Variants in FGF14 observed in about 807,000 individuals in gnomAD.
FGF14 encodes the protein fibroblast growth factor 14, also known as fibroblast growth factor homologous factor 4.
FGF14 carries 5 observed loss-of-function variants against 25.5 expected under a neutral mutation model. The observed-to-expected ratio is 0.20, with a 90% CI of 0.10 to 0.41. The LOEUF (loss-of-function observed/expected upper bound fraction) is 0.41, where lower values mean the gene tolerates loss of function less well. Among genes scored for constraint, FGF14 ranks in the 10% least tolerant of loss-of-function variants. The probability of loss-of-function intolerance (pLI) is 1.00; values close to 1 mark genes in which losing one functional copy is unlikely to be tolerated. For missense variants in FGF14, 222 were observed against 320.1 expected (o/e 0.69, Z 2.34); for synonymous variants, 138 against 118.3 (o/e 1.17, Z -1.08).
At chr13:101,739,029 G>A (rs2036370082) in intron 3 of FGF14, among the ~76,000 whole-genome samples, 2 of 139,098 alleles carry the variant, frequency 1.4e-5, no homozygotes, top group African/African-American at 5.3e-5. Context: ...TATATATATA[G>A]GTGTGTGTGT....
intron 1 of FGF14, among the ~76,000 whole-genome samples, chr13:101,975,018 A>G (rs1448037469): frequency 1.3e-5 from 2 of 152,074 alleles, no homozygotes; most frequent in Admixed American, 1.3e-4. Flanking sequence ...TGGGAAGCGT[A>G]AAATAATCAG....
intron 1 of FGF14, among the ~76,000 whole-genome samples, chr13:102,361,943 C>T (rs2139043268): frequency 6.6e-6 from 1 of 152,028 alleles, no homozygotes; most frequent in Non-Finnish European, 1.5e-5. Context: ...TGTCAGTAGC[C>T]CAGTCTCCTT....
At chr13:101,816,151 TC>T (rs1287321996) in intron 3 of FGF14, among the ~76,000 whole-genome samples, 1 of 150,972 alleles carries the variant, frequency 6.6e-6, no homozygotes, top group African/African-American at 2.4e-5. Context: ...GCGCCTGTAG[TC>T]CCAGCTACTT....
intron 1 of FGF14, among the ~76,000 whole-genome samples, chr13:102,333,898 G>A (rs1284244445): frequency 6.6e-6 from 1 of 152,122 alleles, no homozygotes; most frequent in Non-Finnish European, 1.5e-5. Flanking sequence ...TGCATGCTGG[G>A]TCTGGAGGAG....
At chr13:102,307,593 C>G (rs2055464872) in intron 1 of FGF14, among the ~76,000 whole-genome samples, 1 of 152,096 alleles carries the variant, frequency 6.6e-6, no homozygotes. Flanking sequence ...ACACCATGTA[C>G]TTGTTATTGT....
At chr13:102,157,638 A>G (rs2047408056) in intron 1 of FGF14, among the ~76,000 whole-genome samples, 1 of 152,346 alleles carries the variant, frequency 6.6e-6, no homozygotes, top group Middle Eastern at 3.4e-3. Flanking sequence ...CAATGGCAAC[A>G]AAAGCCAAAA....
At chr13:101,943,607 A>G (rs1385168513) in intron 1 of FGF14, among the ~76,000 whole-genome samples, 1 of 152,028 alleles carries the variant, frequency 6.6e-6, no homozygotes, top group Non-Finnish European at 1.5e-5. Context: ...TTGAACCCCG[A>G]CTCTGCCACT....
At chr13:102,016,204 G>C (rs1331380960) in intron 1 of FGF14, among the ~76,000 whole-genome samples, 1 of 152,048 alleles carries the variant, frequency 6.6e-6, no homozygotes, top group African/African-American at 2.4e-5. Flanking sequence ...CCATTTTACA[G>C]TTGAGAAAAT....
chr13:101,742,546 C>A (rs1459106175), intron 3 of FGF14, among the ~76,000 whole-genome samples: 4 of 152,182 alleles, frequency 2.6e-5, no homozygotes, highest in Admixed American at 2.6e-4. Context: ...TTGGAAACAT[C>A]ACTTCACCTT....
chr13:102,310,698 G>T (rs11620332), intron 1 of FGF14, among the ~76,000 whole-genome samples: 1,678 of 20,252 alleles, frequency 0.083, 299 homozygotes, highest in Middle Eastern at 0.11. Context: ...TGTGTGTGTG[G>T]GGGGGGGGGG....
chr13:101,796,115 CG>C (rs1457759670), intron 3 of FGF14, among the ~76,000 whole-genome samples: 1 of 151,864 alleles, frequency 6.6e-6, no homozygotes, highest in Non-Finnish European at 1.5e-5. Context: ...TTTTAGAAAT[CG>C]TAAAATATAA....
In FGF14 at chr13:101,766,675, C is replaced by G. The variant is rs1043827236; in HGVS notation, c.409-39865G>C. 3.3e-5 allele frequency among the ~76,000 whole-genome samples: 5 copies of G among 152,090 alleles called. No homozygotes were observed. In the East Asian group the frequency reaches 9.6e-4, roughly 29 times the overall value. On this transcript the variant is annotated intron_variant, in intron 3 of 4. Transcript: ENST00000376143. ...ATATGACTTTATGTGGAAATGTGGT[C>G]TTTGCAGATGTAATTAGTTAAGTTT...
At chr13:102,376,169 T>C (rs1457610535) in intron 1 of FGF14, among the ~76,000 whole-genome samples, 3 of 152,142 alleles carry the variant, frequency 2.0e-5, no homozygotes, top group African/African-American at 7.2e-5. Context: ...TGGACATAAT[T>C]GAATCTGGGG....
At position 101,711,563 on chromosome 13, in the gene FGF14, G is replaced by A. The variant is rs140463314; in HGVS notation, c.*11268C>T. ...TTTGCCTGGAGATACATCACAGATA[G>A]GCAGATCACTAAAAAGAAGAGTGGA... is the stretch of plus-strand genomic sequence containing the variant. On this transcript the variant is annotated 3_prime_UTR_variant, in exon 5 of 5. Transcript: ENST00000376143. 3.9e-5 allele frequency: 6 copies of A among 152,352 alleles called. No individual in the cohort carries two copies. Among genetic ancestry groups the A allele is most frequent in the African/African-American group, 1.2e-4 (5 of 41,560 alleles). 9.4% of individuals were successfully genotyped at this position (152,352 alleles called of 1,614,324 possible).
rs78367576 is a variant in FGF14 at position 102,081,864 on chromosome 13, G to A, written c.209-206568C>T. On this transcript the variant is annotated intron_variant, in intron 1 of 4. Transcript: ENST00000376131. ...TTATAAAAATTGTAAAAGCAAAAGC[G>A]GAATGAGTTTCCAAGTGTAAAATTA... 3.4e-3 allele frequency among the ~76,000 whole-genome samples: 510 copies of A among 152,062 alleles called. 4 individuals are homozygous for A. The highest frequency in any genetic ancestry group is 0.012 in the African/African-American group (480 of 41,504).
chr13:102,151,874 T>C (rs751752851), intron 1 of FGF14, among the ~76,000 whole-genome samples: 8 of 152,324 alleles, frequency 5.3e-5, no homozygotes, highest in South Asian at 2.1e-4. Flanking sequence ...ATAATATTTA[T>C]ATTTATGTAA....
chr13:102,275,038 C>A (rs2053441093), intron 1 of FGF14, among the ~76,000 whole-genome samples: 1 of 152,078 alleles, frequency 6.6e-6, no homozygotes, highest in Admixed American at 6.6e-5. Flanking sequence ...TCTGTGAACA[C>A]ATCAGGATTG....
intron 1 of FGF14, among the ~76,000 whole-genome samples, chr13:102,080,745 C>A (rs2140193219): frequency 6.6e-6 from 1 of 152,342 alleles, no homozygotes; most frequent in Admixed American, 6.5e-5. Flanking sequence ...TGAGGATTAG[C>A]TGGGCTCCAG....
chr13:101,729,026 A>C (rs1566826314), intron 3 of FGF14, among the ~76,000 whole-genome samples: 1 of 152,112 alleles, frequency 6.6e-6, no homozygotes, highest in Non-Finnish European at 1.5e-5. Flanking sequence ...GAAGTAATTT[A>C]TTCTCGGTGG....
Sources: gnomAD v4.1 joint callset for allele counts (sites outside exome capture counted in the v4.1 genomes callset) on GRCh38, gnomAD v4.1.1 for gene constraint, MANE v1.5 for transcripts, NCBI Gene and HGNC (gene_info 2026-07-23, HGNC 2026-07-21) for gene names.